Variants in RNFT2 observed in about 807,000 individuals in gnomAD.
The protein encoded by RNFT2 is ring finger protein, transmembrane 2, also known as E3 ubiquitin-protein ligase RNFT2.
In RNFT2, 36 loss-of-function variants were observed where a neutral mutation model predicts 53.0. The observed-to-expected ratio is 0.68, with a 90% CI of 0.52 to 0.90. The LOEUF (loss-of-function observed/expected upper bound fraction) is 0.90, where lower values mean the gene tolerates loss of function less well. Ranked by LOEUF, RNFT2 falls within the 40% of genes least tolerant of loss-of-function variation. The pLI is 0.00. For synonymous variants in RNFT2, 260 were observed against 253.2 expected, an observed-to-expected ratio of 1.03 and a Z score of -0.26; for missense variants, 514 against 585.6, an observed-to-expected ratio of 0.88 and a Z score of 1.26.
intron 10 of RNFT2, among the ~76,000 whole-genome samples, chr12:116,847,560 T>C (rs1476725110): frequency 1.3e-5 from 2 of 149,672 alleles, no homozygotes; most frequent in African/African-American, 4.9e-5. Flanking sequence ...AGAGTTTTGC[T>C]CTCGTTGCCC....
chr12:116,837,549 G>T (rs1359180572), intron 10 of RNFT2, among the ~76,000 whole-genome samples: 1 of 152,090 alleles, frequency 6.6e-6, no homozygotes, highest in African/African-American at 2.4e-5. Context: ...TTGCTGTTTG[G>T]AGATTTGGAA....
At chr12:116,817,454 T>A (rs1298882094) in intron 7 of RNFT2, among the ~76,000 whole-genome samples, 1 of 152,178 alleles carries the variant, frequency 6.6e-6, no homozygotes, top group Non-Finnish European at 1.5e-5. Flanking sequence ...CAGCCTGATT[T>A]TTGTAGTTTT....
Position 116,740,533 on chromosome 12 carries a change from C to A in RNFT2, c.24+12C>A. The A allele has an allele frequency of 6.4e-7, 1 of 1,565,930 alleles. No individual in the cohort carries two copies. On this transcript the variant is annotated intron_variant, in intron 2 of 10. Transcript: ENST00000257575. ...TCACAGTGAATCAGGTGACACGTCT[C>A]CAAGAGAATTTGCATCTTTATTACT...
rs116353608 is a variant in RNFT2 at position 116,833,387 on chromosome 12, C to T, written c.883-405C>T. Among the ~76,000 whole-genome samples the T allele has an allele frequency of 2.5e-3, 374 of 152,340 alleles. 2 individuals carry two copies. The highest frequency in any genetic ancestry group is 8.5e-3 in the African/African-American group (353 of 41,584). ...CCTGAGAGCAGTCGCCTGTGATGCT[C>T]GAGTCAGCCCTCTAAAGATGAGGAT... On this transcript the variant is annotated intron_variant, in intron 7 of 10. Coordinates refer to ENST00000257575, the MANE Select transcript of RNFT2 (RefSeq NM_001382266.1).
intron 7 of RNFT2, among the ~76,000 whole-genome samples, chr12:116,810,987 G>T (rs1386701392): frequency 6.6e-6 from 1 of 152,218 alleles, no homozygotes; most frequent in African/African-American, 2.4e-5. Context: ...GAAAGAGCTT[G>T]GGCTCTGGAG....
intron 7 of RNFT2, among the ~76,000 whole-genome samples, chr12:116,809,211 A>G (rs1875239262): frequency 6.6e-6 from 1 of 151,986 alleles, no homozygotes; most frequent in South Asian, 2.1e-4. Flanking sequence ...TCATTCATTC[A>G]TTCATTCATT....
chr12:116,833,558 C>T (rs979577581), intron 7 of RNFT2, among the ~76,000 whole-genome samples: 2 of 152,222 alleles, frequency 1.3e-5, no homozygotes, highest in Admixed American at 1.3e-4. Flanking sequence ...ATCCTCAATC[C>T]TGGGCACTTT....
Position 116,849,528 on chromosome 12 carries a change from C to A in RNFT2, c.*80C>A. On this transcript the variant is annotated 3_prime_UTR_variant, in exon 11 of 11. Coordinates refer to ENST00000257575, the MANE Select transcript of RNFT2 (RefSeq NM_001382266.1). ...AGCCCTGCGGGGGCTTCCTGAGAAA[C>A]AGGCCTCAAGCACTTACATCCTGCC... 6.8e-7 allele frequency: 1 copy of A among 1,476,960 alleles called. No homozygotes were observed. Among genetic ancestry groups the A allele is most frequent in the Non-Finnish European group, 9.0e-7 (1 of 1,110,194 alleles). 91.5% of individuals were successfully genotyped at this position (1,476,960 alleles called of 1,614,324 possible). A position where few individuals can be genotyped will look rare whatever the true frequency, so the allele number is the denominator to read the frequency against.
At chr12:116,775,490 T>C (rs532989633) in intron 6 of RNFT2, among the ~76,000 whole-genome samples, 1 of 152,284 alleles carries the variant, frequency 6.6e-6, no homozygotes, top group Admixed American at 6.5e-5. Context: ...TTGAATCTTC[T>C]CAGGATTTGA....
intron 5 of RNFT2, among the ~76,000 whole-genome samples, chr12:116,759,942 G>A (rs931281214): frequency 3.9e-5 from 6 of 152,118 alleles, no homozygotes; most frequent in African/African-American, 7.2e-5. Context: ...TTTGTCTTCC[G>A]CTACCAGGGT....
intron 8 of RNFT2, 43 bp from the exon 9 acceptor site, chr12:116,835,917 G>A: frequency 6.2e-7 from 1 of 1,611,048 alleles, no homozygotes; most frequent in South Asian, 1.1e-5. Flanking sequence ...GGTCACGAGT[G>A]ATCCTTGGGT....
chr12:116,746,019 T>G (rs1162585706), intron 3 of RNFT2, among the ~76,000 whole-genome samples: 1 of 152,114 alleles, frequency 6.6e-6, no homozygotes, highest in Non-Finnish European at 1.5e-5. Context: ...GGTGGATCAC[T>G]TGAGCTCCGG....
At chr12:116,824,244 A>G (rs1228150770) in intron 7 of RNFT2, among the ~76,000 whole-genome samples, 1 of 152,102 alleles carries the variant, frequency 6.6e-6, no homozygotes, top group Non-Finnish European at 1.5e-5. Context: ...AGAGCTCTCT[A>G]TGAGCCATGC....
chr12:116,832,467 T>C (rs1364030228), intron 7 of RNFT2, among the ~76,000 whole-genome samples: 2 of 152,152 alleles, frequency 1.3e-5, no homozygotes, highest in South Asian at 2.1e-4. Flanking sequence ...CGTTCTTCCA[T>C]TGATGGGCGT....
intron 4 of RNFT2, among the ~76,000 whole-genome samples, chr12:116,752,071 C>T (rs917106039): frequency 2.6e-5 from 4 of 152,008 alleles, no homozygotes; most frequent in African/African-American, 7.3e-5. Context: ...AAATATCGGT[C>T]AGGTGTGGTG....
chr12:116,820,899 C>T (rs1192550589), intron 7 of RNFT2, among the ~76,000 whole-genome samples: 2 of 152,174 alleles, frequency 1.3e-5, no homozygotes, highest in African/African-American at 4.8e-5. Flanking sequence ...CATCACTAAA[C>T]TAGAAGCCAG....
intron 4 of RNFT2, among the ~76,000 whole-genome samples, chr12:116,752,564 G>T (rs1416907078): frequency 6.6e-6 from 1 of 152,132 alleles, no homozygotes; most frequent in Non-Finnish European, 1.5e-5. Context: ...AAAAATAGCT[G>T]GAGTACACAT....
Position 116,753,998 on chromosome 12 carries a change from A to T in RNFT2, c.565A>T (p.Ile189Phe), listed in dbSNP as rs765528685. Residue 189 changes from isoleucine to phenylalanine, a missense_variant, in exon 5 of 11, where the codon ATC becomes TTC. Coordinates refer to ENST00000257575, the MANE Select transcript of RNFT2 (RefSeq NM_001382266.1). Reference protein sequence around the residue: ...FQHKLGIAVCIGMASTFAYAN... With the variant: ...FQHKLGIAVCFGMASTFAYAN... ...CTGTCCCACAGGCATTGCTGTGTGC[A>T]TCGGGATGGCCAGCACCTTCGCCTA... 6.2e-7 allele frequency: 1 copy of T among 1,613,920 alleles called. No individual in the cohort carries two copies. Among genetic ancestry groups the T allele is most frequent in the Non-Finnish European group, 8.5e-7 (1 of 1,179,844 alleles).
chr12:116,782,651 A>T (rs1458000387), intron 7 of RNFT2, among the ~76,000 whole-genome samples: 1 of 152,146 alleles, frequency 6.6e-6, no homozygotes, highest in African/African-American at 2.4e-5. Context: ...CCAGGTTACC[A>T]TGGGTCAATG....
Sources: gnomAD v4.1 joint callset for allele counts (sites outside exome capture counted in the v4.1 genomes callset) on GRCh38, gnomAD v4.1.1 for gene constraint, MANE v1.5 for transcripts, NCBI Gene and HGNC (gene_info 2026-07-23, HGNC 2026-07-21) for gene names.